Variants in RINL observed in about 807,000 individuals in gnomAD.
RINL encodes ras and Rab interactor-like protein.
A neutral mutation model predicts 58.1 loss-of-function variants in RINL; 39 were observed. The ratio of observed to expected loss-of-function variants is 0.67; its 90% confidence interval spans 0.52 to 0.88. The LOEUF is 0.88. Ranked by LOEUF, RINL falls within the 40% of genes least tolerant of loss-of-function variation. The pLI, the probability that RINL is intolerant of heterozygous loss-of-function variation, is 0.00. For synonymous variants in RINL, 286 were observed against 323.1 expected (o/e 0.89, Z 1.23); for missense variants, 711 against 749.2 (o/e 0.95, Z 0.60).
intron 4 of RINL, 90 bp from the exon 5 acceptor site, chr19:38,871,960 G>T: frequency 1.0e-6 from 1 of 987,592 alleles, no homozygotes; most frequent in Non-Finnish European, 1.6e-6. Context: ...CATTCCTTCA[G>T]AATCCCCCCA....
In RINL at chr19:38,869,500, G is replaced by A. The variant is rs1298326396; in HGVS notation, c.1474+73C>T. The A allele has an allele frequency of 4.4e-6, 7 of 1,593,722 alleles. No homozygotes were observed. The highest frequency in any genetic ancestry group is 4.3e-6 in the Non-Finnish European group (5 of 1,167,524). ...CAGTTTGCCTGCCGTCCCTCCTGCT[G>A]CGGGGGGAGGCTGTTTGGGATCCCG... is the stretch of plus-strand genomic sequence containing the variant. On this transcript the variant is annotated intron_variant, in intron 10 of 11. Transcript: ENST00000591812. The surrounding 1 kb of genome is among the most constrained non-coding windows in gnomAD (Gnocchi z 5.7).
In RINL at chr19:38,871,567, G is replaced by C. The variant is rs1272508528; in HGVS notation, c.451+80C>G. The C allele has an allele frequency of 2.5e-5, 33 of 1,323,300 alleles. No homozygotes were observed. The Admixed American group carries it at 6.1e-4, about 25-fold the overall frequency. 82.0% of individuals were successfully genotyped at this position (1,323,300 alleles called of 1,614,324 possible). A position where few individuals can be genotyped will look rare whatever the true frequency, so the allele number is the denominator to read the frequency against. ...TATTCTCCTCAAACCCAGTAGTCTG[G>C]GCCCCAAAGCCCCATTCATTCCCTT... On this transcript the variant is annotated intron_variant, in intron 6 of 11. Transcript: ENST00000591812.
In RINL at chr19:38,871,067, G is replaced by A. The variant is rs1205951772; in HGVS notation, c.601+11C>T. 1.9e-6 allele frequency: 3 copies of A among 1,586,986 alleles called. No individual in the cohort carries two copies. Among genetic ancestry groups the A allele is most frequent in the East Asian group, 2.2e-5 (1 of 44,744 alleles). ...CTCCCCTTCAGAGGCCCAGGGCCCC[G>A]CCCAGCTAACCTGGATCATGTCTCT... On this transcript the variant is annotated intron_variant, in intron 7 of 11. Coordinates refer to ENST00000591812, the MANE Select transcript of RINL (RefSeq NM_001195833.2).
intron 6 of RINL, 115 bp from the exon 7 acceptor site, chr19:38,871,342 G>T (rs775426302): frequency 2.9e-5 from 35 of 1,191,826 alleles, no homozygotes; most frequent in Non-Finnish European, 3.9e-5. Flanking sequence ...CTGAGGCTTA[G>T]CTCCTGGCCC....
Position 38,869,455 on chromosome 19 carries a change from G to C in RINL, c.1475-45C>G, listed in dbSNP as rs761639988. 5.1e-6 allele frequency: 8 copies of C among 1,574,988 alleles called. No individual in the cohort carries two copies. The Admixed American group carries it at 1.4e-4, about 28-fold the overall frequency. ...TCAGCTCCGCCCTCTCGGCTTCCCT[G>C]GTCGCCCCAAATCCCCCTGCAGTTT... is the stretch of plus-strand genomic sequence containing the variant. On this transcript the variant is annotated intron_variant, in intron 10 of 11. Transcript: ENST00000591812. This position sits in a 1 kb window ranked among gnomAD's most constrained non-coding sequence, Gnocchi z 5.7.
chr19:38,877,756 G>T (rs1972969809), intron 1 of RINL, among the ~76,000 whole-genome samples: 1 of 152,140 alleles, frequency 6.6e-6, no homozygotes, highest in Non-Finnish European at 1.5e-5. Flanking sequence ...CCCAGGAGCA[G>T]GAGACCTGGA....
In RINL at chr19:38,876,388, A is replaced by T; in HGVS notation, c.153T>A (p.His51Gln). 1 of 1,536,106 alleles carries T rather than the reference A, an allele frequency of 6.5e-7. No individual in the cohort carries two copies. The highest frequency in any genetic ancestry group is 1.2e-5 in the South Asian group (1 of 84,062). The stretch of plus-strand genomic sequence containing the variant: ...CATCCTGGGTATCCAGCTCTGGCAC[A>T]TGCCACACCCCCCATGTCCTCTGCA... Reference protein sequence around the residue: ...TRLQRTWGVWHVPELDTQDAE... With the variant: ...TRLQRTWGVWQVPELDTQDAE... Residue 51 changes from histidine to glutamine, a missense_variant, in exon 3 of 12, where the codon CAT becomes CAA. Physicochemically the swap from His to Gln is conservative, Grantham distance 24 (BLOSUM62 0). Coordinates refer to ENST00000591812, the MANE Select transcript of RINL (RefSeq NM_001195833.2).
intron 1 of RINL, among the ~76,000 whole-genome samples, chr19:38,877,900 C>T (rs1488979017): frequency 4.6e-5 from 7 of 152,210 alleles, no homozygotes; most frequent in Admixed American, 3.9e-4. Context: ...GGACAGGCTC[C>T]TCCCCTCAGG....
At position 38,878,031 on chromosome 19, in the gene RINL, C is replaced by T. The variant is rs555465500; in HGVS notation, c.-40+201G>A. Among the ~76,000 whole-genome samples the T allele has an allele frequency of 1.8e-4, 27 of 152,090 alleles. No homozygotes were observed. In the East Asian group the frequency reaches 4.3e-3, roughly 24 times the overall value. ...GGAAGGAGGGAGGTGGGCAGGGAGG[C>T]GCAGGTGCCCTGCCCAGGCAAGAGC... On this transcript the variant is annotated intron_variant, in intron 1 of 11. Transcript: ENST00000591812.
chr19:38,871,801 C>CT lies in RINL; in HGVS notation c.382dup (p.Ser128LysfsTer21). ...GCCTCAGATGGGTGACCTGTACCTG[C>CT]TGGCTGATAGAAAGGCCAGGAGATG... On this transcript the variant is annotated frameshift_variant, in exon 5 of 12. Transcript: ENST00000591812. LOFTEE classifies it high-confidence loss of function. 6.2e-7 allele frequency: 1 copy of CT among 1,614,096 alleles called. No homozygotes were observed. Among genetic ancestry groups the CT allele is most frequent in the East Asian group, 2.2e-5 (1 of 44,878 alleles).
In RINL at chr19:38,869,091, G is replaced by C. The variant is rs755000012; in HGVS notation, c.*13C>G. 5.1e-6 allele frequency: 8 copies of C among 1,581,174 alleles called. No homozygotes were observed. In the South Asian group the frequency reaches 6.9e-5, roughly 14 times the overall value. On this transcript the variant is annotated 3_prime_UTR_variant, in exon 12 of 12. Transcript: ENST00000591812. The surrounding 1 kb of genome is among the most constrained non-coding windows in gnomAD (Gnocchi z 5.7). ...GTTGGGATTACAGGCATGAACGGAG[G>C]GGTGTGAAACCCCTAGTTGTCACTG...
chr19:38,875,025 C>T (rs1972890070), intron 3 of RINL, among the ~76,000 whole-genome samples: 1 of 151,402 alleles, frequency 6.6e-6, no homozygotes, highest in Non-Finnish European at 1.5e-5. Context: ...ATCCCAGCTA[C>T]TCGGGAGGCT....
chr19:38,873,932 A>G lies in RINL; in HGVS notation c.267T>C (p.Pro89=), dbSNP rs966289377. 1 of 1,535,812 alleles carries G rather than the reference A, an allele frequency of 6.5e-7. No homozygotes were observed. Among genetic ancestry groups the G allele is most frequent in the African/African-American group, 1.4e-5 (1 of 73,004 alleles). The change falls in exon 4 of 12, where the codon CCT becomes CCC. Residue 89 remains proline, a synonymous_variant. Coordinates refer to ENST00000591812, the MANE Select transcript of RINL (RefSeq NM_001195833.2). The part of the protein sequence containing the change: ...PSQALVLRSG[P]LPGEVNTYQI... The stretch of plus-strand genomic sequence containing the variant: ...GGTAGGTATTGACTTCTCCTGGTAA[A>G]GGTCCTGACCTCAACACCAGGGCCT...
Position 38,869,339 on chromosome 19 carries a change from C to T in RINL, c.1546G>A (p.Ala516Thr), listed in dbSNP as rs528085067. 1.2e-6 allele frequency: 2 copies of T among 1,613,838 alleles called. No individual in the cohort carries two copies. Among genetic ancestry groups the T allele is most frequent in the South Asian group, 1.1e-5 (1 of 91,048 alleles). Residue 516 changes from alanine (A) to threonine (T), a missense_variant, in exon 11 of 12, where the codon GCT (alanine) becomes ACT (threonine). By Grantham distance (58) the Ala-to-Thr change is moderately conservative (BLOSUM62 0). Coordinates refer to ENST00000591812, the MANE Select transcript of RINL (RefSeq NM_001195833.2). The surrounding 1 kb of genome is among the most constrained non-coding windows in gnomAD (Gnocchi z 5.7). ...GCCTCGGAGCTGAGCCCCCGGGGAG[C>T]GCGGTCTGTTTCGGGCTGGTAGTGG... Reference protein sequence around the residue: ...IAHYQPETDRAPRGLSSEARA... With the variant: ...IAHYQPETDRTPRGLSSEARA...
chr19:38,870,371 C>G lies in RINL; in HGVS notation c.1025-111G>C, dbSNP rs113058492. ...CAGCCACCCCTGCCTAGCTCTGGTC[C>G]CCCGTGAGTGTAGACATGGTTGTGA... On this transcript the variant is annotated intron_variant, in intron 8 of 11. Transcript: ENST00000591812. This position sits in a 1 kb window ranked among gnomAD's most constrained non-coding sequence, Gnocchi z 5.8. 118 of 1,048,996 alleles carry G rather than the reference C, an allele frequency of 1.1e-4. 2 individuals carry two copies. In the African/African-American group the frequency reaches 1.3e-3, roughly 11 times the overall value. The allele number at this position is 1,048,996 out of a possible 1,614,324, so 65.0% of individuals were successfully genotyped here.
At chr19:38,871,967 C>T (rs1198975745) in intron 4 of RINL, 97 bp from the exon 5 acceptor site, 11 of 915,922 alleles carry the variant, frequency 1.2e-5, no homozygotes, top group Non-Finnish European at 1.9e-5. Flanking sequence ...TCAGAATCCC[C>T]CCAGGGACCT....
At position 38,869,351 on chromosome 19, in the gene RINL, C is replaced by G; in HGVS notation, c.1534G>C (p.Glu512Gln). 6 of 1,613,748 alleles carry G rather than the reference C, an allele frequency of 3.7e-6. No individual in the cohort carries two copies. Among genetic ancestry groups the G allele is most frequent in the Non-Finnish European group, 5.1e-6 (6 of 1,179,874 alleles). The change falls in exon 11 of 12, where the codon GAA (glutamate) becomes CAA (glutamine). Residue 512 changes from glutamate to glutamine, a missense_variant. Physicochemically the swap from Glu to Gln is conservative, Grantham distance 29. Coordinates refer to ENST00000591812, the MANE Select transcript of RINL (RefSeq NM_001195833.2). This position sits in a 1 kb window ranked among gnomAD's most constrained non-coding sequence, Gnocchi z 5.7. ...ALHHIAHYQP[E>Q]TDRAPRGLSS... ...AGCCCCCGGGGAGCGCGGTCTGTTT[C>G]GGGCTGGTAGTGGGCAATGTGGTGC...
intron 2 of RINL, 92 bp from the exon 3 acceptor site, chr19:38,876,582 G>T: frequency 6.9e-7 from 1 of 1,456,622 alleles, no homozygotes; most frequent in Non-Finnish European, 9.3e-7. Flanking sequence ...GCAGGCCCAG[G>T]GCAGAGGCTC....
chr19:38,871,768 C>T (rs1250838473), intron 5 of RINL, 30 bp downstream of exon 5: 1 of 1,613,612 alleles, frequency 6.2e-7, no homozygotes, highest in African/African-American at 1.3e-5. Flanking sequence ...GGAAGGGTCC[C>T]CCTTAGTGCC....
Sources: gnomAD v4.1 joint callset for allele counts (sites outside exome capture counted in the v4.1 genomes callset) on GRCh38, gnomAD v4.1.1 for gene constraint, Gnocchi (gnomAD v3.1) non-coding constraint, MANE v1.5 for transcripts, NCBI Gene and HGNC (gene_info 2026-07-23, HGNC 2026-07-21) for gene names.